Variants in SLC35F3 observed in about 807,000 individuals in gnomAD.
SLC35F3 encodes the protein solute carrier family 35 member F3.
In SLC35F3, 25 loss-of-function variants were observed where a neutral mutation model predicts 49.9. That is an observed-to-expected ratio of 0.50 (90% CI 0.37 to 0.70). The LOEUF is 0.70. SLC35F3 is among the 30% of genes least tolerant of loss of function. The pLI is 0.00. For synonymous variants in SLC35F3, 275 were observed against 265.4 expected (o/e 1.04, Z -0.35); for missense variants, 525 against 639.8 (o/e 0.82, Z 1.94).
intron 2 of SLC35F3, among the ~76,000 whole-genome samples, chr1:234,122,986 T>C (rs1037930563): frequency 1.3e-5 from 2 of 152,206 alleles, no homozygotes; most frequent in African/African-American, 4.8e-5. Context: ...ACATACCCAG[T>C]AATGGGATCG....
At chr1:234,174,759 G>A (rs1277068241) in intron 2 of SLC35F3, among the ~76,000 whole-genome samples, 1 of 152,224 alleles carries the variant, frequency 6.6e-6, no homozygotes, top group Non-Finnish European at 1.5e-5. Context: ...TTGTGAGTGG[G>A]CAATCTTGGA....
intron 2 of SLC35F3, among the ~76,000 whole-genome samples, chr1:234,013,668 C>T: frequency 6.6e-6 from 1 of 151,980 alleles, no homozygotes; most frequent in East Asian, 1.9e-4. Context: ...ACTGATACCG[C>T]AGAAACACAA....
At chr1:234,133,612 A>G (rs1005710491) in intron 2 of SLC35F3, among the ~76,000 whole-genome samples, 1 of 152,238 alleles carries the variant, frequency 6.6e-6, no homozygotes, top group African/African-American at 2.4e-5. Flanking sequence ...ACTGGCCCAG[A>G]TAATCAAGAG....
chr1:234,234,756 G>T (rs939593956), intron 3 of SLC35F3, among the ~76,000 whole-genome samples: 4 of 152,174 alleles, frequency 2.6e-5, no homozygotes, highest in Non-Finnish European at 5.9e-5. Flanking sequence ...GGCTCCGTGG[G>T]CAAGTCCTCA....
intron 3 of SLC35F3, among the ~76,000 whole-genome samples, chr1:234,253,629 CA>C (rs1667772592): frequency 1.3e-5 from 2 of 151,978 alleles, no homozygotes; most frequent in African/African-American, 4.8e-5. Flanking sequence ...AAAAAAACAG[CA>C]ACAACTAGAA....
At chr1:234,195,603 G>A (rs1385797317) in intron 2 of SLC35F3, among the ~76,000 whole-genome samples, 1 of 151,968 alleles carries the variant, frequency 6.6e-6, no homozygotes, top group Non-Finnish European at 1.5e-5. Context: ...TTAGGTTTCG[G>A]TCCAATTTTA....
chr1:234,068,462 C>T, intron 2 of SLC35F3, among the ~76,000 whole-genome samples: 1 of 152,092 alleles, frequency 6.6e-6, no homozygotes, highest in East Asian at 1.9e-4. Flanking sequence ...CTAACAGCTA[C>T]AAGAAGCAGC....
intron 3 of SLC35F3, among the ~76,000 whole-genome samples, chr1:234,280,343 G>A (rs1011464371): frequency 2.0e-5 from 3 of 152,192 alleles, no homozygotes; most frequent in Non-Finnish European, 2.9e-5. Flanking sequence ...AAGCACATTG[G>A]TGATACAGAG....
At chr1:234,276,109 A>G (rs12037730) in intron 3 of SLC35F3, among the ~76,000 whole-genome samples, 9,191 of 152,220 alleles carry the variant, frequency 0.06, 334 homozygotes, top group African/African-American at 0.098. Flanking sequence ...ATGGTCATCA[A>G]CTCAGCATTT....
At chr1:234,161,040 G>A (rs1348205338) in intron 2 of SLC35F3, among the ~76,000 whole-genome samples, 1 of 152,160 alleles carries the variant, frequency 6.6e-6, no homozygotes, top group East Asian at 1.9e-4. Flanking sequence ...CAGTGACGAT[G>A]GCCCAGGCTC....
intron 2 of SLC35F3, among the ~76,000 whole-genome samples, chr1:233,939,238 G>A (rs1662383552): frequency 6.6e-6 from 1 of 152,146 alleles, no homozygotes; most frequent in African/African-American, 2.4e-5. Flanking sequence ...GATCTCTTGA[G>A]GCCAAGAGTT....
At chr1:234,139,873 G>A (rs144149832) in intron 2 of SLC35F3, among the ~76,000 whole-genome samples, 9,624 of 150,934 alleles carry the variant, frequency 0.064, 508 homozygotes, top group African/African-American at 0.13. Context: ...GCTTGAACCC[G>A]GGAGGCAGAG....
chr1:233,941,230 A>C (rs12122072), intron 2 of SLC35F3, among the ~76,000 whole-genome samples: 3 of 152,090 alleles, frequency 2.0e-5, no homozygotes, highest in Non-Finnish European at 4.4e-5. Flanking sequence ...CTGGTATTTC[A>C]GTTACTTTTC....
At chr1:234,131,823 C>T (rs1258679657) in intron 2 of SLC35F3, among the ~76,000 whole-genome samples, 6 of 152,046 alleles carry the variant, frequency 3.9e-5, no homozygotes, top group East Asian at 1.9e-4. Context: ...GGGAGCCAGG[C>T]GTGTATTAGC....
chr1:233,954,690 C>T (rs1662666678), intron 2 of SLC35F3, among the ~76,000 whole-genome samples: 1 of 152,150 alleles, frequency 6.6e-6, no homozygotes, highest in Non-Finnish European at 1.5e-5. Context: ...TTCCCTTTTC[C>T]CCCCTGCTGA....
At chr1:234,132,795 G>T (rs1665754453) in intron 2 of SLC35F3, among the ~76,000 whole-genome samples, 1 of 152,042 alleles carries the variant, frequency 6.6e-6, no homozygotes, top group African/African-American at 2.4e-5. Context: ...ATTCATGGTG[G>T]TTTATGATTT....
intron 2 of SLC35F3, among the ~76,000 whole-genome samples, chr1:233,985,360 G>A (rs190626578): frequency 5.6e-4 from 86 of 152,280 alleles, no homozygotes; most frequent in African/African-American, 2.0e-3. Flanking sequence ...TTGTAGGATG[G>A]ATTAAATATT....
rs1248970378 is a variant in SLC35F3 at position 234,214,704 on chromosome 1, G to A, written c.284-16713G>A. Reference sequence around the variant, plus strand: ...TGCTCCCCCAGGACGCGGCTCCGCAGTGCAGAGCGCCGCCGCCTGCGTGGG... The same window carrying A: ...TGCTCCCCCAGGACGCGGCTCCGCAATGCAGAGCGCCGCCGCCTGCGTGGG... On this transcript the variant is annotated intron_variant, in intron 2 of 7. Coordinates refer to ENST00000366618, the MANE Select transcript of SLC35F3 (RefSeq NM_173508.4). The surrounding 1 kb of genome is among the most constrained non-coding windows in gnomAD (Gnocchi z 8.0). 4 of 1,244,340 alleles carry A rather than the reference G, an allele frequency of 3.2e-6. No individual in the cohort carries two copies. The South Asian group carries it at 5.7e-5, about 18-fold the overall frequency. 77.1% of individuals were successfully genotyped at this position (1,244,340 alleles called of 1,614,324 possible).
intron 2 of SLC35F3, among the ~76,000 whole-genome samples, chr1:233,980,870 G>T (rs1337031800): frequency 6.6e-6 from 1 of 152,162 alleles, no homozygotes; most frequent in Non-Finnish European, 1.5e-5. Context: ...CATTGTCTTA[G>T]CATGTTTAAT....
Sources: gnomAD v4.1 joint callset for allele counts (sites outside exome capture counted in the v4.1 genomes callset) on GRCh38, gnomAD v4.1.1 for gene constraint, Gnocchi (gnomAD v3.1) non-coding constraint, MANE v1.5 for transcripts, NCBI Gene and HGNC (gene_info 2026-07-23, HGNC 2026-07-21) for gene names.